Variants in PCDH10 observed in about 807,000 individuals in gnomAD.
PCDH10 encodes protocadherin 10.
In PCDH10, 15 loss-of-function variants were observed where a neutral mutation model predicts 74.4. The observed-to-expected ratio is 0.20, with a 90% CI of 0.13 to 0.31. PCDH10 has a LOEUF of 0.31. Ranked by LOEUF, PCDH10 falls within the 10% of genes least tolerant of loss-of-function variation. PCDH10 has a pLI of 1.00. For missense variants in PCDH10, 1,260 were observed against 1,390.2 expected (o/e 0.91, Z 1.49); for synonymous variants, 619 against 589.8 (o/e 1.05, Z -0.72).
In PCDH10 at chr4:133,150,173, G is replaced by T. The variant is rs762223263; in HGVS notation, c.33G>T (p.Trp11Cys). 1.9e-6 allele frequency: 3 copies of T among 1,590,540 alleles called. No individual in the cohort carries two copies. Among genetic ancestry groups the T allele is most frequent in the Non-Finnish European group, 2.6e-6 (3 of 1,170,136 alleles). The change falls in exon 1 of 5, where the codon TGG (tryptophan) becomes TGT (cysteine). Residue 11 changes from tryptophan to cysteine, a missense_variant. By Grantham distance (215) the Trp-to-Cys change is radical. This residue lies in a region of PCDH10 where 103 missense variants were observed against 91.5 expected (regional missense o/e 1.13). Coordinates refer to ENST00000264360, the MANE Select transcript of PCDH10 (RefSeq NM_032961.3). ...TGCTATTATTGTTTGCCTTGCTCTGGATGGTGGAAGGAGTCTTTTCCCAGC... is the reference window on the plus strand; with the variant it reads ...TGCTATTATTGTTTGCCTTGCTCTGTATGGTGGAAGGAGTCTTTTCCCAGC... MIVLLLFALL[W>C]MVEGVFSQLH...
chr4:133,175,708 G>A (rs1277247198), intron 4 of PCDH10, among the ~76,000 whole-genome samples: 1 of 152,058 alleles, frequency 6.6e-6, no homozygotes, highest in African/African-American at 2.4e-5. Flanking sequence ...TTCATGTTAA[G>A]TGATCTGTAC....
At chr4:133,163,593 T>G (rs572383311) in intron 4 of PCDH10, among the ~76,000 whole-genome samples, 144 of 152,194 alleles carry the variant, frequency 9.5e-4, no homozygotes, top group Non-Finnish European at 1.8e-3. Flanking sequence ...TTTGAGGATC[T>G]TGGTAATGAG....
rs1409564260 is a variant in PCDH10, at chr4:133,150,508, C to G, written c.368C>G (p.Pro123Arg). ...ATTAATGACAACCCCCCCTCTTTCC[C>G]GGAGCCAGACCTGACGGTGGAAATC... The part of the protein sequence containing the change: ...LDINDNPPSF[P>R]EPDLTVEISE... Residue 123 changes from proline (P) to arginine (R), a missense_variant, in exon 1 of 5, where the codon CCG becomes CGG. Pro to Arg is a moderately radical substitution (Grantham distance 103). Coordinates refer to ENST00000264360, the MANE Select transcript of PCDH10 (RefSeq NM_032961.3). 2 of 1,613,756 alleles carry G rather than the reference C, an allele frequency of 1.2e-6. No homozygotes were observed. Among genetic ancestry groups the G allele is most frequent in the Non-Finnish European group, 1.7e-6 (2 of 1,179,932 alleles).
At chr4:133,188,779 T>C (rs1321588703) in intron 4 of PCDH10, among the ~76,000 whole-genome samples, 4 of 143,988 alleles carry the variant, frequency 2.8e-5, no homozygotes, top group Non-Finnish European at 4.5e-5. Flanking sequence ...GTTCAAGCAA[T>C]TCTTCTGCCT....
At chr4:133,164,314 A>C (rs1727035680) in intron 4 of PCDH10, among the ~76,000 whole-genome samples, 1 of 152,044 alleles carries the variant, frequency 6.6e-6, no homozygotes, top group African/African-American at 2.4e-5. Flanking sequence ...ATAGCCTAAA[A>C]TCAAACTTTA....
chr4:133,208,483 G>A (rs184188144), exon 3 of PCDH10: 66 of 151,856 alleles, frequency 4.3e-4, no homozygotes, highest in African/African-American at 1.1e-3. Context: ...CTTTACCTTC[G>A]TCTTCAATTT....
chr4:133,153,455 A>G (rs967475098), intron 1 of PCDH10: 1 of 154,936 alleles, frequency 6.5e-6, no homozygotes, highest in South Asian at 2.1e-4. Flanking sequence ...AAAGGCTTAA[A>G]CAATTGTTGT....
At position 133,151,805 on chromosome 4, in the gene PCDH10, T is replaced by G; in HGVS notation, c.1665T>G (p.Ala555=). ...ACGCTGGCAGCCCCCAGGCGCTGGC[T>G]GGTAACGCCACTGTCAACATCCTCA... is the stretch of plus-strand genomic sequence containing the variant. ...ARDAGSPQAL[A]GNATVNILIV... The change falls in exon 1 of 5, where the codon GCT becomes GCG. Residue 555 remains alanine (A), a synonymous_variant. Transcript: ENST00000264360. The G allele has an allele frequency of 6.2e-7, 1 of 1,613,114 alleles. No homozygotes were observed. The highest frequency in any genetic ancestry group is 8.5e-7 in the Non-Finnish European group (1 of 1,180,046).
chr4:133,151,485 A>C lies in PCDH10; in HGVS notation c.1345A>C (p.Ile449Leu). ...GEPALSTSKS[I>L]QVQVSDVNDN... The stretch of plus-strand genomic sequence containing the variant: ...GCCTGCGCTCTCCACCAGTAAGTCG[A>C]TCCAGGTACAAGTGTCGGATGTGAA... The change falls in exon 1 of 5, where the codon ATC becomes CTC. Residue 449 changes from isoleucine (I) to leucine (L), a missense_variant. Coordinates refer to ENST00000264360, the MANE Select transcript of PCDH10 (RefSeq NM_032961.3). 6.2e-7 allele frequency: 1 copy of C among 1,613,824 alleles called. No homozygotes were observed. Among genetic ancestry groups the C allele is most frequent in the Non-Finnish European group, 8.5e-7 (1 of 1,179,976 alleles).
chr4:133,204,881 C>A (rs1485000228), intron 2 of PCDH10, among the ~76,000 whole-genome samples: 1 of 152,194 alleles, frequency 6.6e-6, no homozygotes, highest in Non-Finnish European at 1.5e-5. Context: ...GAGAGGAGGA[C>A]ACTGCATTCT....
downstream of PCDH10, among the ~76,000 whole-genome samples, chr4:133,199,499 A>C (rs1727859977): frequency 1.3e-5 from 2 of 150,422 alleles, no homozygotes; most frequent in African/African-American, 4.8e-5. Flanking sequence ...TCGGGGGGAC[A>C]AATAGGATGT....
intron 2 of PCDH10, among the ~76,000 whole-genome samples, chr4:133,205,841 T>G (rs1361073360): frequency 6.6e-6 from 1 of 152,168 alleles, no homozygotes; most frequent in Non-Finnish European, 1.5e-5. Flanking sequence ...TTTTAAAGTA[T>G]TTTTAACTCT....
At chr4:133,175,933 C>A (rs2125868157) in intron 4 of PCDH10, among the ~76,000 whole-genome samples, 1 of 152,208 alleles carries the variant, frequency 6.6e-6, no homozygotes, top group South Asian at 2.1e-4. Flanking sequence ...TTGGATTACT[C>A]CTGAAAAGTT....
In PCDH10 at chr4:133,151,609, G is replaced by T. The variant is rs148933278; in HGVS notation, c.1469G>T (p.Arg490Leu). 8.3e-5 allele frequency: 134 copies of T among 1,613,704 alleles called. No homozygotes were observed. Among genetic ancestry groups the T allele is most frequent in the Admixed American group, 3.7e-4 (22 of 60,008 alleles). Residue 490 changes from arginine to leucine, a missense_variant, in exon 1 of 5, where the codon CGG becomes CTG. Around this residue, in one of 11 missense-constraint regions of PCDH10, gnomAD observed 587 missense variants for 616.9 expected, o/e 0.95. Coordinates refer to ENST00000264360, the MANE Select transcript of PCDH10 (RefSeq NM_032961.3). ...ATCTACGCGGTGAGCGCCACCGACC[G>T]GGATGAGGGCGCCAACGCCCAGCTT... ...AYIYAVSATDRDEGANAQLAY... is the reference protein window; with the variant it reads ...AYIYAVSATDLDEGANAQLAY...
chr4:133,151,112 C>T lies in PCDH10; in HGVS notation c.972C>T (p.Tyr324=). The T allele has an allele frequency of 6.2e-7, 1 of 1,614,094 alleles. No homozygotes were observed. The change falls in exon 1 of 5, where the codon TAC becomes TAT. Residue 324 remains tyrosine, a synonymous_variant. Coordinates refer to ENST00000264360, the MANE Select transcript of PCDH10 (RefSeq NM_032961.3). ...GELDYEESPV[Y]QVYVQAKDLG... The stretch of plus-strand genomic sequence containing the variant: ...TGGACTATGAAGAGAGCCCAGTGTA[C>T]CAAGTGTACGTGCAAGCCAAGGACC...
intron 4 of PCDH10, among the ~76,000 whole-genome samples, chr4:133,174,436 A>G (rs1029296012): frequency 7.2e-5 from 11 of 151,842 alleles, no homozygotes; most frequent in African/African-American, 2.7e-4. Context: ...AAACATTAAT[A>G]CTAAATTTAA....
rs986553655 is a variant in PCDH10, at chr4:133,150,891, G to C, written c.751G>C (p.Asp251His). Residue 251 changes from aspartate to histidine, a missense_variant, in exon 1 of 5, where the codon GAC becomes CAC. Asp to His is a moderately conservative substitution (Grantham distance 81, BLOSUM62 -1). Transcript: ENST00000264360. The stretch of plus-strand genomic sequence containing the variant: ...CTCCAATGACAATGTGCCCGCTTTC[G>C]ACCAACCCGTCTACACTGTGTCCCT... ...LDSNDNVPAFDQPVYTVSLPE... is the reference protein window; with the variant it reads ...LDSNDNVPAFHQPVYTVSLPE... 17 of 1,611,822 alleles carry C rather than the reference G, an allele frequency of 1.1e-5. No homozygotes were observed. In the Admixed American group the frequency reaches 2.0e-4, roughly 19 times the overall value.
At chr4:133,155,120 A>G (rs967963002) in intron 3 of PCDH10, 97 bp downstream of exon 3, 1 of 786,458 alleles carries the variant, frequency 1.3e-6, no homozygotes, top group Non-Finnish European at 2.2e-6. Flanking sequence ...AATTTTCCAT[A>G]GGTCTAATGC....
chr4:133,191,092 T>C lies in PCDH10; in HGVS notation c.*932T>C, dbSNP rs1727657352. ...ATCTAACAATCTGCATAAGTCTGAT[T>C]CTATTTCTATGACTTTGAATTTAGA... On this transcript the variant is annotated 3_prime_UTR_variant, in exon 5 of 5. Coordinates refer to ENST00000264360, the MANE Select transcript of PCDH10 (RefSeq NM_032961.3). 6.6e-6 allele frequency: 1 copy of C among 152,410 alleles called. No individual in the cohort carries two copies. The highest frequency in any genetic ancestry group is 1.5e-5 in the Non-Finnish European group (1 of 67,914). The allele number at this position is 152,410 out of a possible 1,614,324, so 9.4% of individuals were successfully genotyped here.
Sources: gnomAD v4.1 joint callset for allele counts (sites outside exome capture counted in the v4.1 genomes callset) on GRCh38, gnomAD v4.1.1 for gene constraint, gnomAD v4.1.1 regional missense constraint, MANE v1.5 for transcripts, NCBI Gene and HGNC (gene_info 2026-07-23, HGNC 2026-07-21) for gene names.